TANGO6: variants seen among roughly 807,000 people sequenced by gnomAD.
The protein encoded by TANGO6 is transport and golgi organization 6 homolog.
Under a neutral mutation model 114.2 loss-of-function variants are expected in TANGO6, and 90 were observed. That is an observed-to-expected ratio of 0.79 (90% CI 0.66 to 0.94). The LOEUF is 0.94. Among genes scored for constraint, TANGO6 ranks in the 40% least tolerant of loss-of-function variants. The probability of loss-of-function intolerance (pLI) is 0.00; values close to 1 mark genes in which losing one functional copy is unlikely to be tolerated. For synonymous variants in TANGO6, 477 were observed against 509.8 expected (o/e 0.94, Z 0.87); for missense variants, 1,274 against 1,315.3 (o/e 0.97, Z 0.49).
chr16:69,073,000 T>A (rs1443089900), intron 17 of TANGO6, among the ~76,000 whole-genome samples: 1 of 149,150 alleles, frequency 6.7e-6, no homozygotes, highest in Non-Finnish European at 1.5e-5. Flanking sequence ...TAACAAACAC[T>A]GGAGGATGGG....
chr16:68,942,902 A>T (rs1487414099), intron 14 of TANGO6, among the ~76,000 whole-genome samples: 4 of 143,166 alleles, frequency 2.8e-5, no homozygotes, highest in South Asian at 4.4e-4. Context: ...TTAATTTTTA[A>T]TTTTTTTTTT....
rs1240970751 is a variant in TANGO6, at chr16:69,072,133, G to GTGTC, written c.3109-11349_3109-11348insCTGT. Among the ~76,000 whole-genome samples the GTGTC allele has an allele frequency of 4.7e-5, 7 of 150,424 alleles. 1 individual carries two copies. Among genetic ancestry groups the GTGTC allele is most frequent in the African/African-American group, 1.5e-4 (6 of 40,446 alleles). On this transcript the variant is annotated intron_variant, in intron 17 of 17. Coordinates refer to ENST00000261778, the MANE Select transcript of TANGO6 (RefSeq NM_024562.2). ...AGAGAGAGGGAGACCGTGTGTGTGT[G>GTGTC]TGTGTGTGTGTGTGTGTGTGTCACA...
chr16:68,856,847 T>C (rs543511126), intron 1 of TANGO6, among the ~76,000 whole-genome samples: 21 of 152,272 alleles, frequency 1.4e-4, no homozygotes, highest in Non-Finnish European at 2.4e-4. Flanking sequence ...CGGTGGCTCA[T>C]GCCTGTAATC....
At chr16:69,053,317 G>A (rs1021494245) in intron 17 of TANGO6, among the ~76,000 whole-genome samples, 3 of 151,840 alleles carry the variant, frequency 2.0e-5, no homozygotes, top group Non-Finnish European at 4.4e-5. Context: ...TCAGCATTCA[G>A]TGTTTATGTT....
intron 2 of TANGO6, among the ~76,000 whole-genome samples, chr16:68,861,196 C>A (rs1032073931): frequency 1.3e-5 from 2 of 152,086 alleles, no homozygotes; most frequent in Non-Finnish European, 2.9e-5. Context: ...GGAAGCACTA[C>A]CCCCGCCATG....
chr16:68,928,199 T>C (rs1271462801), intron 13 of TANGO6, 116 bp downstream of exon 13: 5 of 1,202,852 alleles, frequency 4.2e-6, no homozygotes, highest in Non-Finnish European at 5.6e-6. Context: ...CCTCCAGAAA[T>C]TTGTGAATTT....
chr16:69,014,363 T>C (rs1266136203), intron 15 of TANGO6, among the ~76,000 whole-genome samples: 1 of 152,156 alleles, frequency 6.6e-6, no homozygotes, highest in Non-Finnish European at 1.5e-5. Flanking sequence ...CTAGCAGACT[T>C]TCCTTCACAA....
chr16:69,040,493 C>G, intron 17 of TANGO6, 72 bp downstream of exon 17: 3 of 1,277,890 alleles, frequency 2.3e-6, no homozygotes, highest in South Asian at 2.6e-5. Context: ...TTCCTTTTAC[C>G]AGGGAAGGCC....
At chr16:68,988,602 T>C (rs1963918376) in intron 15 of TANGO6, among the ~76,000 whole-genome samples, 1 of 152,192 alleles carries the variant, frequency 6.6e-6, no homozygotes, top group African/African-American at 2.4e-5. Flanking sequence ...GTTAATGATC[T>C]TAGCTTTTAT....
At chr16:69,025,188 A>G (rs1351708724) in intron 16 of TANGO6, among the ~76,000 whole-genome samples, 1 of 152,256 alleles carries the variant, frequency 6.6e-6, no homozygotes, top group Admixed American at 6.5e-5. Context: ...CACCTGTGTT[A>G]TAGCTTGTAC....
At chr16:68,946,430 G>A (rs1427184683) in intron 14 of TANGO6, among the ~76,000 whole-genome samples, 2 of 151,968 alleles carry the variant, frequency 1.3e-5, no homozygotes, top group Admixed American at 6.6e-5. Context: ...TCTTGACCTC[G>A]TGATCCGCCC....
intron 14 of TANGO6, among the ~76,000 whole-genome samples, chr16:68,954,745 GA>G (rs1963508745): frequency 6.6e-6 from 1 of 152,126 alleles, no homozygotes; most frequent in Non-Finnish European, 1.5e-5. Flanking sequence ...TAACCATTAT[GA>G]AAAACATCCT....
At chr16:69,053,226 A>C (rs183602971) in intron 17 of TANGO6, among the ~76,000 whole-genome samples, 9 of 152,290 alleles carry the variant, frequency 5.9e-5, no homozygotes, top group Admixed American at 3.3e-4. Context: ...CATTATTATT[A>C]TTATTATTAA....
intron 16 of TANGO6, chr16:69,026,777 C>G (rs1959508949): frequency 6.6e-6 from 1 of 152,492 alleles, no homozygotes; most frequent in South Asian, 2.1e-4. Context: ...GTGGCGTGAT[C>G]TTGACTCACT....
chr16:69,019,150 G>T (rs1284485273), intron 15 of TANGO6, among the ~76,000 whole-genome samples: 2 of 152,088 alleles, frequency 1.3e-5, no homozygotes, highest in African/African-American at 4.8e-5. Context: ...TTTCCTATAT[G>T]AATTTTTTAG....
chr16:68,974,321 G>A (rs545156350), intron 15 of TANGO6, among the ~76,000 whole-genome samples, 153 bp downstream of exon 15: 137 of 152,284 alleles, frequency 9.0e-4, no homozygotes, highest in Middle Eastern at 6.8e-3. Context: ...GAAATATTCC[G>A]ATGTCTACTA....
intron 7 of TANGO6, among the ~76,000 whole-genome samples, chr16:68,899,801 A>G (rs551209758): frequency 2.0e-5 from 3 of 151,944 alleles, no homozygotes; most frequent in South Asian, 2.1e-4. Flanking sequence ...GGGTCTTACT[A>G]TGTTGCCCAG....
chr16:68,964,103 A>ATCACAG (rs1158513921), intron 14 of TANGO6, among the ~76,000 whole-genome samples: 1 of 152,104 alleles, frequency 6.6e-6, no homozygotes, highest in Non-Finnish European at 1.5e-5. Context: ...TTTAAAATTT[A>ATCACAG]TCACAGATTT....
At chr16:69,007,421 C>A (rs1470651136) in intron 15 of TANGO6, among the ~76,000 whole-genome samples, 1 of 151,896 alleles carries the variant, frequency 6.6e-6, no homozygotes, top group Non-Finnish European at 1.5e-5. Context: ...AGGCACGTGC[C>A]ACCACACCTT....
Sources: gnomAD v4.1 joint callset for allele counts (sites outside exome capture counted in the v4.1 genomes callset) on GRCh38, gnomAD v4.1.1 for gene constraint, MANE v1.5 for transcripts, NCBI Gene and HGNC (gene_info 2026-07-23, HGNC 2026-07-21) for gene names.